The following STK3 variants were observed in gnomAD, a reference collection of about 807,000 sequenced individuals.
STK3 encodes the protein serine/threonine kinase 3.
In STK3, 41 loss-of-function variants were observed where a neutral mutation model predicts 58.0. The ratio of observed to expected loss-of-function variants is 0.71; its 90% CI spans 0.55 to 0.92. STK3 has a LOEUF of 0.92. Among genes scored for constraint, STK3 ranks in the 40% least tolerant of loss-of-function variants. The pLI is 0.00. For missense variants in STK3, 479 were observed against 602.7 expected (o/e 0.79, Z 2.15); for synonymous variants, 170 against 191.0 (o/e 0.89, Z 0.91).
intron 3 of STK3, among the ~76,000 whole-genome samples, chr8:98,404,679 C>CAAAAA (rs35146514): frequency 0.012 from 1,177 of 95,160 alleles, 29 homozygotes; most frequent in African/African-American, 0.036. Context: ...GTCTCTGTCT[C>CAAAAA]AAAAAAAAAA....
intron 8 of STK3, among the ~76,000 whole-genome samples, chr8:98,559,173 T>C (rs1586859061): frequency 6.6e-6 from 1 of 152,194 alleles, no homozygotes; most frequent in East Asian, 1.9e-4. Flanking sequence ...GGCACTATCC[T>C]TAATGATGAG....
intron 1 of STK3, among the ~76,000 whole-genome samples, chr8:98,889,509 G>A (rs541054464): frequency 3.2e-4 from 49 of 152,294 alleles, no homozygotes; most frequent in Non-Finnish European, 6.0e-4. Context: ...AAGCAGAAAT[G>A]TTTAAATGTG....
chr8:98,347,110 T>A, the STK3 span, among the ~76,000 whole-genome samples: 3 of 151,862 alleles, frequency 2.0e-5, no homozygotes, highest in Non-Finnish European at 4.4e-5. Context: ...GAAGGTAGAA[T>A]GTAAAATGTT....
intron 3 of STK3, among the ~76,000 whole-genome samples, chr8:98,861,992 A>G (rs772691960): frequency 3.3e-5 from 5 of 152,228 alleles, no homozygotes; most frequent in African/African-American, 7.2e-5. Flanking sequence ...AGTGCCTGCC[A>G]GATTCAGTAA....
At chr8:98,930,023 T>A (rs925978542) in intron 1 of STK3, among the ~76,000 whole-genome samples, 7 of 152,236 alleles carry the variant, frequency 4.6e-5, no homozygotes, top group Non-Finnish European at 1.0e-4. Flanking sequence ...GACAATGGAA[T>A]CTTTTTTCCT....
At chr8:98,712,783 C>A (rs544330709) in intron 4 of STK3, among the ~76,000 whole-genome samples, 3 of 152,256 alleles carry the variant, frequency 2.0e-5, no homozygotes, top group East Asian at 1.9e-4. Flanking sequence ...ACCAAGCGGA[C>A]CTAATAGACA....
At chr8:98,889,050 A>T (rs1478581001) in intron 1 of STK3, among the ~76,000 whole-genome samples, 1 of 152,206 alleles carries the variant, frequency 6.6e-6, no homozygotes, top group Non-Finnish European at 1.5e-5. Flanking sequence ...AGGCCAGCCC[A>T]ATATAACTTA....
chr8:98,708,692 A>T (rs1187851655), intron 4 of STK3, among the ~76,000 whole-genome samples: 2 of 152,216 alleles, frequency 1.3e-5, no homozygotes, highest in South Asian at 2.1e-4. Context: ...CTTGTAAGGT[A>T]GTGTGATATT....
chr8:98,362,005 C>G, the STK3 span, among the ~76,000 whole-genome samples: 2 of 152,194 alleles, frequency 1.3e-5, no homozygotes, highest in Non-Finnish European at 2.9e-5. Flanking sequence ...TTTGCAGATG[C>G]TGCACAAGCT....
At chr8:98,617,847 G>A (rs1262714402) in intron 6 of STK3, among the ~76,000 whole-genome samples, 2 of 152,084 alleles carry the variant, frequency 1.3e-5, no homozygotes, top group African/African-American at 4.8e-5. Context: ...AAAGAGTCCA[G>A]GACCAGATGG....
chr8:98,367,927 A>T (rs943201652), downstream of STK3, among the ~76,000 whole-genome samples: 2 of 152,244 alleles, frequency 1.3e-5, no homozygotes, highest in African/African-American at 4.8e-5. Context: ...GTATGTATGA[A>T]CTTGCACGCT....
chr8:98,764,530 G>T (rs1382145128), intron 3 of STK3, among the ~76,000 whole-genome samples: 2 of 152,186 alleles, frequency 1.3e-5, no homozygotes, highest in Non-Finnish European at 2.9e-5. Flanking sequence ...GAATAAAGAT[G>T]ATTCTCAGCC....
intron 10 of STK3, among the ~76,000 whole-genome samples, chr8:98,472,280 G>A (rs755507035): frequency 5.3e-5 from 8 of 152,052 alleles, no homozygotes; most frequent in Admixed American, 1.3e-4. Flanking sequence ...AAAAGAGATG[G>A]CTTCTTAAAA....
chr8:98,454,317 G>A (rs1382809840), downstream of STK3, among the ~76,000 whole-genome samples: 1 of 152,212 alleles, frequency 6.6e-6, no homozygotes, highest in East Asian at 1.9e-4. Flanking sequence ...TGGCCAACCA[G>A]ACATGTATCA....
At chr8:98,674,033 T>C (rs1823020618) in intron 6 of STK3, among the ~76,000 whole-genome samples, 1 of 152,184 alleles carries the variant, frequency 6.6e-6, no homozygotes, top group Non-Finnish European at 1.5e-5. Flanking sequence ...AATTATGTAA[T>C]TCATCTACAA....
At chr8:98,857,775 T>C (rs944194286) in intron 3 of STK3, among the ~76,000 whole-genome samples, 6 of 152,104 alleles carry the variant, frequency 3.9e-5, no homozygotes, top group African/African-American at 1.4e-4. Flanking sequence ...GCAATTAAAC[T>C]AAATACAGAA....
intron 6 of STK3, chr8:98,601,530 T>C (rs1290611099): frequency 3.9e-5 from 6 of 152,218 alleles, no homozygotes; most frequent in Admixed American, 1.3e-4. Flanking sequence ...AATGTATCCA[T>C]ACCTGCAATA....
chr8:98,815,645 T>A (rs546379527), intron 1 of STK3, among the ~76,000 whole-genome samples: 54 of 152,282 alleles, frequency 3.5e-4, no homozygotes, highest in African/African-American at 1.2e-3. Flanking sequence ...CAAGTATGTT[T>A]AAATCCATCT....
chr8:98,611,209 C>T (rs1217376122), intron 6 of STK3, among the ~76,000 whole-genome samples: 3 of 151,688 alleles, frequency 2.0e-5, no homozygotes, highest in Non-Finnish European at 4.4e-5. Flanking sequence ...CAGTATAATG[C>T]CCAGTACAAA....
Sources: allele counts gnomAD v4.1 joint callset (sites outside exome capture counted in the v4.1 genomes callset), GRCh38; gene constraint gnomAD v4.1.1; transcripts MANE v1.5; gene names NCBI Gene and HGNC (gene_info 2026-07-23, HGNC 2026-07-21).